FRMD3: variants seen among roughly 807,000 people sequenced by gnomAD.
FRMD3 encodes FERM domain containing 3.
Under a neutral mutation model 70.2 loss-of-function variants are expected in FRMD3, and 33 were observed. That is an observed-to-expected ratio of 0.47 (90% CI 0.36 to 0.63). The LOEUF (loss-of-function observed/expected upper bound fraction) is 0.63. Ranked by LOEUF, FRMD3 falls within the 20% of genes least tolerant of loss-of-function variation. FRMD3 has a pLI of 0.00. For missense variants in FRMD3, 632 were observed against 711.4 expected, an observed-to-expected ratio of 0.89 and a Z score of 1.27; for synonymous variants, 279 against 255.9, an observed-to-expected ratio of 1.09 and a Z score of -0.86.
the FRMD3 span, among the ~76,000 whole-genome samples, chr9:83,556,466 T>C: frequency 6.6e-6 from 1 of 152,246 alleles, no homozygotes; most frequent in Non-Finnish European, 1.5e-5. Flanking sequence ...AGAGAAATTA[T>C]ATTTGTCTTT....
At chr9:83,353,069 AT>A (rs1188725992) in intron 3 of FRMD3, among the ~76,000 whole-genome samples, 1 of 151,726 alleles carries the variant, frequency 6.6e-6, no homozygotes, top group Non-Finnish European at 1.5e-5. Flanking sequence ...AACATTTTCT[AT>A]TTTTTTTCTA....
intron 1 of FRMD3, among the ~76,000 whole-genome samples, chr9:83,412,531 C>CAT (rs917638001): frequency 2.6e-5 from 4 of 152,150 alleles, no homozygotes; most frequent in African/African-American, 9.7e-5. Context: ...ATTTAATTAA[C>CAT]ATAACTTTTG....
intron 1 of FRMD3, among the ~76,000 whole-genome samples, chr9:83,402,789 G>C (rs985418379): frequency 1.3e-5 from 2 of 151,672 alleles, no homozygotes; most frequent in African/African-American, 2.4e-5. Context: ...ACATTAAAGA[G>C]AGCCTACGGT....
At chr9:83,252,624 A>G (rs1333229958) in intron 13 of FRMD3, among the ~76,000 whole-genome samples, 1 of 152,210 alleles carries the variant, frequency 6.6e-6, no homozygotes, top group African/African-American at 2.4e-5. Context: ...CAAGAGACCC[A>G]TCTCACGTGC....
rs1554713881 is a variant in FRMD3 at position 83,507,693 on chromosome 9, T to TATAC, written c.147+30391_147+30392insGTAT. On this transcript the variant is annotated intron_variant, in intron 1 of 13. Coordinates refer to ENST00000304195, the MANE Select transcript of FRMD3 (RefSeq NM_174938.6). Reference sequence around the variant, plus strand: ...TCAAACAAAAAAAAATATACATACATATATATATATATATATATATATATA... The same window carrying TATAC: ...TCAAACAAAAAAAAATATACATACATATACATATATATATATATATATATATATA... Among the ~76,000 whole-genome samples the TATAC allele has an allele frequency of 1.1e-3, 31 of 27,224 alleles. 3 individuals are homozygous for TATAC. Among genetic ancestry groups the TATAC allele is most frequent in the Non-Finnish European group, 1.7e-3 (27 of 15,724 alleles). The allele number at this position is 27,224 out of a possible 152,430, so 17.9% of individuals were successfully genotyped here.
At chr9:83,468,081 AG>A (rs1828177524) in intron 1 of FRMD3, among the ~76,000 whole-genome samples, 1 of 152,234 alleles carries the variant, frequency 6.6e-6, no homozygotes, top group Non-Finnish European at 1.5e-5. Flanking sequence ...GTTAGACAAC[AG>A]GCTACAGTGG....
At chr9:83,382,414 T>C (rs1825385148) in intron 2 of FRMD3, among the ~76,000 whole-genome samples, 1 of 152,220 alleles carries the variant, frequency 6.6e-6, no homozygotes, top group Non-Finnish European at 1.5e-5. Context: ...ATTGATAGTA[T>C]GGTTAATTCA....
intron 13 of FRMD3, among the ~76,000 whole-genome samples, chr9:83,285,249 C>T (rs1313496002): frequency 6.6e-6 from 1 of 152,168 alleles, no homozygotes; most frequent in African/African-American, 2.4e-5. Context: ...GGCACAAACA[C>T]GCGCAAACAC....
Position 83,538,343 on chromosome 9 carries a change from C to G in FRMD3, c.-112G>C. 2 of 1,020,586 alleles carry G rather than the reference C, an allele frequency of 2.0e-6. No individual in the cohort carries two copies. The highest frequency in any genetic ancestry group is 2.5e-6 in the Non-Finnish European group (2 of 791,488). The allele number at this position is 1,020,586 out of a possible 1,614,324, so 63.2% of individuals were successfully genotyped here. On this transcript the variant is annotated 5_prime_UTR_variant, in exon 1 of 14. Coordinates refer to ENST00000304195, the MANE Select transcript of FRMD3 (RefSeq NM_174938.6). This position sits in a 1 kb window ranked among gnomAD's most constrained non-coding sequence, Gnocchi z 4.7. ...GGGACACCTGGGCGCGGCTCAGCCC[C>G]GGGACATCGGCAGCGTCGGGCGCCT... is the stretch of plus-strand genomic sequence containing the variant.
intron 3 of FRMD3, among the ~76,000 whole-genome samples, chr9:83,351,377 C>T: frequency 6.8e-6 from 1 of 146,258 alleles, no homozygotes; most frequent in Non-Finnish European, 1.5e-5. Flanking sequence ...ATTCAACGCC[C>T]TACTTCCCTA....
chr9:83,378,528 T>TTA (rs1447310953), intron 2 of FRMD3, among the ~76,000 whole-genome samples: 1 of 78,874 alleles, frequency 1.3e-5, no homozygotes, highest in East Asian at 3.4e-4. Flanking sequence ...CATATAAAAT[T>TTA]TATATATATA....
chr9:83,291,383 G>A (rs778648476), intron 12 of FRMD3, among the ~76,000 whole-genome samples: 19 of 152,160 alleles, frequency 1.2e-4, no homozygotes, highest in African/African-American at 1.7e-4. Context: ...TGGGGAGCCC[G>A]CTTGCCCTAC....
intron 1 of FRMD3, among the ~76,000 whole-genome samples, chr9:83,499,789 A>G (rs1202193387): frequency 6.6e-6 from 1 of 152,234 alleles, no homozygotes; most frequent in Non-Finnish European, 1.5e-5. Context: ...AGGTTTTTAA[A>G]CCTACACATG....
chr9:83,346,784 G>A (rs1823978954), intron 4 of FRMD3, among the ~76,000 whole-genome samples: 1 of 152,188 alleles, frequency 6.6e-6, no homozygotes, highest in Non-Finnish European at 1.5e-5. Context: ...GGACCCAACT[G>A]CCGGAGGTTT....
upstream of FRMD3, among the ~76,000 whole-genome samples, chr9:83,541,262 T>G (rs973346354): frequency 6.6e-6 from 1 of 152,232 alleles, no homozygotes; most frequent in African/African-American, 2.4e-5. Flanking sequence ...TTCTGCTAAT[T>G]TACATTGAAG....
chr9:83,280,771 A>T (rs1397889222), intron 13 of FRMD3, among the ~76,000 whole-genome samples: 1 of 152,222 alleles, frequency 6.6e-6, no homozygotes, highest in East Asian at 1.9e-4. Context: ...CAGAAATTTT[A>T]TGAAGAGGTG....
chr9:83,533,438 C>T (rs1829829245), intron 1 of FRMD3, among the ~76,000 whole-genome samples: 1 of 152,106 alleles, frequency 6.6e-6, no homozygotes, highest in African/African-American at 2.4e-5. Flanking sequence ...CTGTAGCATC[C>T]ATCTAACCAA....
chr9:83,459,740 G>A (rs180741500), intron 1 of FRMD3, among the ~76,000 whole-genome samples: 7 of 152,372 alleles, frequency 4.6e-5, no homozygotes, highest in African/African-American at 1.4e-4. Context: ...CCATGCATCC[G>A]TCTTAGTCGG....
At position 83,349,704 on chromosome 9, in the gene FRMD3, A is replaced by G. The variant is rs1179380813; in HGVS notation, c.349T>C (p.Leu117=). 3.1e-6 allele frequency: 5 copies of G among 1,611,968 alleles called. No individual in the cohort carries two copies. Among genetic ancestry groups the G allele is most frequent in the Middle Eastern group, 1.6e-4 (1 of 6,082 alleles). ...CTTGTGAGCTCTTCTTTAATCTTCA[A>G]GGGTTCATGTGGGTAGAATTTCACT... ...FRVKFYPHEP[L]KIKEELTRYL... The change falls in exon 4 of 14, where the codon TTG becomes CTG. Residue 117 remains leucine, a synonymous_variant. Transcript: ENST00000304195.
Sources: allele counts gnomAD v4.1 joint callset (sites outside exome capture counted in the v4.1 genomes callset), GRCh38; gene constraint gnomAD v4.1.1; non-coding constraint Gnocchi (gnomAD v3.1); transcripts MANE v1.5; gene names NCBI Gene and HGNC (gene_info 2026-07-23, HGNC 2026-07-21).